The following NTNG2 variants were observed in gnomAD, a reference collection of about 807,000 sequenced individuals.
NTNG2 encodes netrin G2, also known as netrin-G2.
Under a neutral mutation model 47.6 loss-of-function variants are expected in NTNG2, and 15 were observed. That is an observed-to-expected ratio of 0.32 (90% confidence interval 0.21 to 0.49). The LOEUF (loss-of-function observed/expected upper bound fraction) is 0.49. Among genes scored for constraint, NTNG2 ranks in the 20% least tolerant of loss-of-function variants. The pLI is 0.99. For synonymous variants in NTNG2, 307 were observed against 324.6 expected, an observed-to-expected ratio of 0.95 and a Z score of 0.58; for missense variants, 578 against 764.6, an observed-to-expected ratio of 0.76 and a Z score of 2.88.
At position 132,231,554 on chromosome 9, in the gene NTNG2, G is replaced by A. The variant is rs1038924019; in HGVS notation, c.1054+959G>A. The A allele has an allele frequency of 7.4e-5, 25 of 337,556 alleles. No homozygotes were observed. The Admixed American group carries it at 1.0e-3, about 14-fold the overall frequency. 20.9% of individuals were successfully genotyped at this position (337,556 alleles called of 1,614,324 possible). ...GAAGCTGGACCCTGCAGGGACGCTG[G>A]TCTGCACAGCCGTCGTAAGTTGCTT... is the stretch of plus-strand genomic sequence containing the variant. On this transcript the variant is annotated intron_variant, in intron 5 of 7. Transcript: ENST00000393229. The surrounding 1 kb of genome is among the most constrained non-coding windows in gnomAD (Gnocchi z 4.1).
chr9:132,191,538 T>C (rs1837886211), intron 2 of NTNG2, among the ~76,000 whole-genome samples: 2 of 147,158 alleles, frequency 1.4e-5, no homozygotes, highest in South Asian at 4.3e-4. Context: ...CAAAACTGTA[T>C]GGAAAATGGG....
At position 132,180,918 on chromosome 9, in the gene NTNG2, T is replaced by C. The variant is rs565858227; in HGVS notation, c.213+13874T>C. 4.5e-4 allele frequency among the ~76,000 whole-genome samples: 69 copies of C among 152,214 alleles called. No individual in the cohort carries two copies. Among genetic ancestry groups the C allele is most frequent in the African/African-American group, 1.6e-3 (68 of 41,518 alleles). On this transcript the variant is annotated intron_variant, in intron 2 of 7. Transcript: ENST00000393229. This position sits in a 1 kb window ranked among gnomAD's most constrained non-coding sequence, Gnocchi z 4.2. ...TCATGCACAGGCACACACACACACA[T>C]ATAAGGTTGCAAACACTTTCAGGGA...
rs1835550215 is a variant in NTNG2 at position 132,167,138 on chromosome 9, A to G, written c.213+94A>G. 3.7e-6 allele frequency: 5 copies of G among 1,364,548 alleles called. No homozygotes were observed. In the South Asian group the frequency reaches 3.8e-5, roughly 10 times the overall value. The allele number at this position is 1,364,548 out of a possible 1,614,324, so 84.5% of individuals were successfully genotyped here. A position where few individuals can be genotyped will look rare whatever the true frequency, so the allele number is the denominator to read the frequency against. On this transcript the variant is annotated intron_variant, in intron 2 of 7. Transcript: ENST00000393229. ...GTGGACGAGCAGAGCTGGAGGACTGAGATGCAAGGCTGACTTTCCTGCCTC... is the reference window on the plus strand; with the variant it reads ...GTGGACGAGCAGAGCTGGAGGACTGGGATGCAAGGCTGACTTTCCTGCCTC...
In NTNG2 at chr9:132,231,679, GC is replaced by G. The variant is rs1329354135; in HGVS notation, c.1054+1087del. Reference sequence around the variant, plus strand: ...TCCCAGAAAGACCCCGACCCCAAAGGCCCTGTGGCCACTGCGGCCACCACAG... The same window carrying G: ...TCCCAGAAAGACCCCGACCCCAAAGGCCTGTGGCCACTGCGGCCACCACAG... On this transcript the variant is annotated intron_variant, in intron 5 of 7. Transcript: ENST00000393229. The surrounding 1 kb of genome is among the most constrained non-coding windows in gnomAD (Gnocchi z 4.1). 3 of 249,106 alleles carry G rather than the reference GC, an allele frequency of 1.2e-5. No individual in the cohort carries two copies. Among genetic ancestry groups the G allele is most frequent in the African/African-American group, 7.1e-5 (3 of 42,444 alleles). The allele number at this position is 249,106 out of a possible 1,614,324, so 15.4% of individuals were successfully genotyped here. A position where few individuals can be genotyped will look rare whatever the true frequency, so the allele number is the denominator to read the frequency against.
chr9:132,183,900 G>A (rs1837135808), intron 2 of NTNG2, among the ~76,000 whole-genome samples: 1 of 152,124 alleles, frequency 6.6e-6, no homozygotes, highest in Non-Finnish European at 1.5e-5. Flanking sequence ...ATTTGGAGTA[G>A]AATTTCTGAC....
chr9:132,181,082 G>A (rs759352128), intron 2 of NTNG2, among the ~76,000 whole-genome samples: 2 of 152,112 alleles, frequency 1.3e-5, no homozygotes, highest in Non-Finnish European at 2.9e-5. Context: ...CCAATTGTCT[G>A]AGGACTTTCT....
chr9:132,232,003 G>A (rs894835548), intron 5 of NTNG2: 1 of 152,376 alleles, frequency 6.6e-6, no homozygotes, highest in Non-Finnish European at 1.5e-5. Context: ...CCCAGCCAGG[G>A]GATTCAGGGA....
rs529981256 is a variant in NTNG2 at position 132,208,897 on chromosome 9, C to T, written c.857+10288C>T. ...CCGTCCCGAGACCCCTGGAAGCCCCCATCCTGCTCCCTGAAAATCTGCTGT... is the reference window on the plus strand; with the variant it reads ...CCGTCCCGAGACCCCTGGAAGCCCCTATCCTGCTCCCTGAAAATCTGCTGT... On this transcript the variant is annotated intron_variant, in intron 3 of 7. Coordinates refer to ENST00000393229, the MANE Select transcript of NTNG2 (RefSeq NM_032536.4). This position sits in a 1 kb window ranked among gnomAD's most constrained non-coding sequence, Gnocchi z 4.0. 1.1e-4 allele frequency among the ~76,000 whole-genome samples: 17 copies of T among 152,314 alleles called. No individual in the cohort carries two copies. The Middle Eastern group carries it at 0.017, about 152-fold the overall frequency.
rs368565380 is a variant in NTNG2 at position 132,197,699 on chromosome 9, G to A, written c.214-267G>A. Among the ~76,000 whole-genome samples, 11 of 152,276 alleles carry A rather than the reference G, an allele frequency of 7.2e-5. No homozygotes were observed. The South Asian group carries it at 1.2e-3, about 17-fold the overall frequency. On this transcript the variant is annotated intron_variant, in intron 2 of 7. Transcript: ENST00000393229. This position sits in a 1 kb window ranked among gnomAD's most constrained non-coding sequence, Gnocchi z 4.3. ...GAGCCATGGAGGGCTTCAAAGCAGG[G>A]GACTAACACCCAGCCTTCTTGGTTG...
At chr9:132,220,113 G>C (rs1408883850) in intron 3 of NTNG2, among the ~76,000 whole-genome samples, 1 of 152,168 alleles carries the variant, frequency 6.6e-6, no homozygotes, top group African/African-American at 2.4e-5. Context: ...GTTTTCATCT[G>C]CTTCTTGGCC....
chr9:132,200,313 G>A lies in NTNG2; in HGVS notation c.857+1704G>A, dbSNP rs145944298. 2.5e-3 allele frequency among the ~76,000 whole-genome samples: 377 copies of A among 152,264 alleles called. 4 individuals are homozygous for A. The highest frequency in any genetic ancestry group is 3.5e-4 in the Non-Finnish European group (24 of 68,000). On this transcript the variant is annotated intron_variant, in intron 3 of 7. Coordinates refer to ENST00000393229, the MANE Select transcript of NTNG2 (RefSeq NM_032536.4). ...GGGGCTGCACCTGGGGAGCCCAGCT[G>A]GGATGATCACTGTGGGCATCTCTCC...
At chr9:132,212,308 G>A (rs1038374423) in intron 3 of NTNG2, among the ~76,000 whole-genome samples, 10 of 152,214 alleles carry the variant, frequency 6.6e-5, no homozygotes, top group East Asian at 3.9e-4. Flanking sequence ...CCCCTAAGCC[G>A]CACACCCAAG....
rs1840116179 is a variant in NTNG2, at chr9:132,218,214, TCTGAATCGAG to T, written c.858-8631_858-8622del. On this transcript the variant is annotated intron_variant, in intron 3 of 7. Transcript: ENST00000393229. The surrounding 1 kb of genome is among the most constrained non-coding windows in gnomAD (Gnocchi z 5.4). The stretch of plus-strand genomic sequence containing the variant: ...CGGGAGTGCAGACACTAAGTGTGGC[TCTGAATCGAG>T]CTGCTTGGATTCAAGTCCTGCGTCT... 6.6e-6 allele frequency among the ~76,000 whole-genome samples: 1 copy of T among 152,220 alleles called. No homozygotes were observed. The highest frequency in any genetic ancestry group is 1.9e-4 in the East Asian group (1 of 5,188).
chr9:132,169,406 T>C (rs1257220873), intron 2 of NTNG2, among the ~76,000 whole-genome samples: 1 of 152,226 alleles, frequency 6.6e-6, no homozygotes, highest in Non-Finnish European at 1.5e-5. Context: ...AGGGGGTGGT[T>C]ACTTCTAGAT....
At chr9:132,204,343 G>C (rs1839006196) in intron 3 of NTNG2, among the ~76,000 whole-genome samples, 1 of 152,122 alleles carries the variant, frequency 6.6e-6, no homozygotes, top group African/African-American at 2.4e-5. Context: ...TTGCCTTCTT[G>C]TTTTCTTCCA....
chr9:132,172,837 C>A (rs1240060373), intron 2 of NTNG2, among the ~76,000 whole-genome samples: 2 of 147,506 alleles, frequency 1.4e-5, no homozygotes, highest in African/African-American at 5.0e-5. Flanking sequence ...TCACGCCATT[C>A]TCCTGCCTCA....
At chr9:132,223,648 T>C (rs749026127) in intron 3 of NTNG2, among the ~76,000 whole-genome samples, 6 of 152,152 alleles carry the variant, frequency 3.9e-5, no homozygotes, top group Non-Finnish European at 5.9e-5. Context: ...CCAGCCTGGG[T>C]GACAGAGTGA....
chr9:132,208,728 T>A lies in NTNG2; in HGVS notation c.857+10119T>A, dbSNP rs7031109. 0.57 allele frequency among the ~76,000 whole-genome samples: 86,487 copies of A among 151,796 alleles called. 26,549 individuals carry two copies. Among genetic ancestry groups the A allele is most frequent in the African/African-American group, 0.82 (33,933 of 41,382 alleles). ...ATTTTCTGGAGGGGAATTTTTTTTT[T>A]ATTTCTTAATTTTTTATTTTTATAT... is the stretch of plus-strand genomic sequence containing the variant. On this transcript the variant is annotated intron_variant, in intron 3 of 7. Transcript: ENST00000393229. This position sits in a 1 kb window ranked among gnomAD's most constrained non-coding sequence, Gnocchi z 4.0.
intron 2 of NTNG2, among the ~76,000 whole-genome samples, chr9:132,172,281 G>C (rs1835986432): frequency 6.6e-6 from 1 of 152,196 alleles, no homozygotes; most frequent in African/African-American, 2.4e-5. Flanking sequence ...TTTGCCCAGT[G>C]GGGTGAGGAG....
Sources: gnomAD v4.1 joint callset for allele counts (sites outside exome capture counted in the v4.1 genomes callset) on GRCh38, gnomAD v4.1.1 for gene constraint, Gnocchi (gnomAD v3.1) non-coding constraint, MANE v1.5 for transcripts, NCBI Gene and HGNC (gene_info 2026-07-23, HGNC 2026-07-21) for gene names.